Variants in SYT1 observed in about 807,000 individuals in gnomAD.
SYT1 encodes synaptotagmin-1.
Under a neutral mutation model 44.8 loss-of-function variants are expected in SYT1, and 8 were observed. The observed-to-expected ratio is 0.18, with a 90% CI of 0.10 to 0.32. SYT1 has a LOEUF of 0.32. Among genes scored for constraint, SYT1 ranks in the 10% least tolerant of loss-of-function variants. The probability of loss-of-function intolerance (pLI) is 1.00; values close to 1 mark genes in which losing one functional copy is unlikely to be tolerated. For missense variants in SYT1, 286 were observed against 509.3 expected (o/e 0.56, Z 4.22); for synonymous variants, 154 against 188.8 (o/e 0.82, Z 1.51).
intron 1 of SYT1, among the ~76,000 whole-genome samples, chr12:78,956,458 G>A (rs1483911291): frequency 1.3e-5 from 2 of 151,762 alleles, no homozygotes; most frequent in Non-Finnish European, 2.9e-5. Flanking sequence ...GGTTAACTGA[G>A]TTAATATCTC....
chr12:79,151,045 T>C (rs960690584), intron 3 of SYT1, among the ~76,000 whole-genome samples: 4 of 151,812 alleles, frequency 2.6e-5, no homozygotes, highest in Non-Finnish European at 5.9e-5. Context: ...CGTAAGACAA[T>C]GGTAATGACT....
At chr12:79,159,213 T>A (rs148369875) in intron 3 of SYT1, among the ~76,000 whole-genome samples, 1 of 152,262 alleles carries the variant, frequency 6.6e-6, no homozygotes, top group East Asian at 1.9e-4. Flanking sequence ...GTGGATTCTC[T>A]CCAAATTATA....
At chr12:79,419,768 C>T (rs902425442) in intron 9 of SYT1, among the ~76,000 whole-genome samples, 13 of 152,124 alleles carry the variant, frequency 8.5e-5, no homozygotes, top group African/African-American at 3.1e-4. Context: ...CTCATTCTCT[C>T]CTCAGAGGTA....
chr12:78,867,850 T>TA (rs968827348), intron 1 of SYT1, among the ~76,000 whole-genome samples: 2 of 151,872 alleles, frequency 1.3e-5, no homozygotes, highest in East Asian at 1.9e-4. Context: ...AAATTGAAAC[T>TA]AAAAAATAGT....
chr12:78,901,791 T>C (rs1267602340), intron 1 of SYT1, among the ~76,000 whole-genome samples: 1 of 152,146 alleles, frequency 6.6e-6, no homozygotes, highest in African/African-American at 2.4e-5. Flanking sequence ...TCATACATGC[T>C]TGAAACATCT....
At chr12:78,967,786 G>A (rs77523573) in intron 1 of SYT1, among the ~76,000 whole-genome samples, 2,085 of 152,190 alleles carry the variant, frequency 0.014, 55 homozygotes, top group African/African-American at 0.048. Flanking sequence ...GGAAAGTGCC[G>A]AGGATAAAAA....
At chr12:79,325,162 G>A (rs1046875034) in intron 8 of SYT1, among the ~76,000 whole-genome samples, 2 of 152,190 alleles carry the variant, frequency 1.3e-5, no homozygotes, top group African/African-American at 4.8e-5. Context: ...GGGGGTTGCA[G>A]GGGGAGGCCA....
chr12:79,058,368 T>A (rs145401302), intron 3 of SYT1, among the ~76,000 whole-genome samples: 133 of 152,190 alleles, frequency 8.7e-4, no homozygotes, highest in African/African-American at 3.1e-3. Flanking sequence ...TTCCTGATAC[T>A]CAGTTGACCC....
At chr12:79,183,869 A>G (rs1396279774) in intron 3 of SYT1, among the ~76,000 whole-genome samples, 2 of 152,074 alleles carry the variant, frequency 1.3e-5, no homozygotes, top group Non-Finnish European at 2.9e-5. Context: ...CTTTGTTTTT[A>G]AAATCTCATA....
chr12:79,099,865 T>A (rs1355497163), intron 3 of SYT1, among the ~76,000 whole-genome samples: 1 of 152,130 alleles, frequency 6.6e-6, no homozygotes, highest in African/African-American at 2.4e-5. Context: ...GTACTCCTAA[T>A]CCGGATCCTC....
At chr12:79,143,956 G>A (rs954140096) in intron 3 of SYT1, among the ~76,000 whole-genome samples, 4 of 152,140 alleles carry the variant, frequency 2.6e-5, no homozygotes, top group Admixed American at 2.6e-4. Context: ...GTCCTCTGCT[G>A]TGATGTGGAT....
At chr12:79,167,800 A>T (rs997263165) in intron 3 of SYT1, among the ~76,000 whole-genome samples, 1 of 152,038 alleles carries the variant, frequency 6.6e-6, no homozygotes, top group Non-Finnish European at 1.5e-5. Flanking sequence ...TTCATGGAAG[A>T]CAATTTTTCC....
Position 78,931,386 on chromosome 12 carries a change from AAGGAAGGAAGGGAGGAGAG to A in SYT1, c.-216-46401_-216-46383del, listed in dbSNP as rs1592575458. On this transcript the variant is annotated intron_variant, in intron 1 of 10. Coordinates refer to ENST00000261205, the MANE Select transcript of SYT1 (RefSeq NM_005639.3). ...GAAGGAAGGAAGGAAGGAAGGAAGG[AAGGAAGGAAGGGAGGAGAG>A]AGGAAGGAAGGAAGGAAGGAAGGAA... Among the ~76,000 whole-genome samples, 40 of 117,092 alleles carry A rather than the reference AAGGAAGGAAGGGAGGAGAG, an allele frequency of 3.4e-4. No individual in the cohort carries two copies. The East Asian group carries it at 0.011, about 34-fold the overall frequency. 76.8% of individuals were successfully genotyped at this position (117,092 alleles called of 152,430 possible).
At chr12:79,045,460 T>A in intron 2 of SYT1, 1 of 154,838 alleles carries the variant, frequency 6.5e-6, no homozygotes, top group Non-Finnish European at 1.4e-5. Flanking sequence ...AGTGAGGCAA[T>A]GCCTCGCCCC....
At chr12:79,236,990 T>C (rs956171321) in intron 4 of SYT1, among the ~76,000 whole-genome samples, 1 of 152,168 alleles carries the variant, frequency 6.6e-6, no homozygotes, top group African/African-American at 2.4e-5. Flanking sequence ...AGTAACATAA[T>C]TACAGTTTTG....
intron 9 of SYT1, among the ~76,000 whole-genome samples, chr12:79,374,156 T>C: frequency 6.6e-6 from 1 of 152,196 alleles, no homozygotes; most frequent in East Asian, 1.9e-4. Flanking sequence ...ACCTCTGTGA[T>C]ACTGTACATC....
chr12:79,291,335 C>T (rs563511811), intron 5 of SYT1, among the ~76,000 whole-genome samples: 18 of 152,186 alleles, frequency 1.2e-4, no homozygotes, highest in Non-Finnish European at 2.1e-4. Flanking sequence ...CAAACAGACT[C>T]TTAATCAATT....
chr12:79,121,538 A>G (rs1158283014), intron 3 of SYT1, among the ~76,000 whole-genome samples: 1 of 152,156 alleles, frequency 6.6e-6, no homozygotes, highest in Non-Finnish European at 1.5e-5. Context: ...AAAGGGTTCA[A>G]TTTTACACTT....
intron 1 of SYT1, among the ~76,000 whole-genome samples, chr12:78,954,751 A>G (rs1266262814): frequency 6.6e-6 from 1 of 152,096 alleles, no homozygotes; most frequent in Non-Finnish European, 1.5e-5. Flanking sequence ...TAACTCATCT[A>G]TCTGTGTAAA....
Sources: gnomAD v4.1 joint callset for allele counts (sites outside exome capture counted in the v4.1 genomes callset) on GRCh38, gnomAD v4.1.1 for gene constraint, MANE v1.5 for transcripts, NCBI Gene and HGNC (gene_info 2026-07-23, HGNC 2026-07-21) for gene names.